TMEM74: variants seen among roughly 807,000 people sequenced by gnomAD.
The protein encoded by TMEM74 is transmembrane protein 74.
TMEM74 carries 13 observed loss-of-function variants against 18.1 expected under a neutral mutation model. The observed-to-expected ratio is 0.72, with a 90% CI of 0.47 to 1.14. TMEM74 has a LOEUF of 1.14. Ranked by LOEUF, TMEM74 falls within the 50% of genes most tolerant of loss-of-function variation. The pLI, the probability that TMEM74 is intolerant of heterozygous loss-of-function variation, is 0.00. For synonymous variants in TMEM74, 159 were observed against 146.6 expected, an observed-to-expected ratio of 1.08 and a Z score of -0.61; for missense variants, 372 against 375.9, an observed-to-expected ratio of 0.99 and a Z score of 0.09.
At chr8:108,765,932 A>AG (rs1491362753) in intron 1 of TMEM74, among the ~76,000 whole-genome samples, 1 of 55,314 alleles carries the variant, frequency 1.8e-5, no homozygotes, top group Admixed American at 1.6e-4. Flanking sequence ...TGAAAAAAAA[A>AG]GTGTGTAAGA....
chr8:108,635,972 C>A (rs1586242231), intron 2 of TMEM74, among the ~76,000 whole-genome samples: 1 of 152,108 alleles, frequency 6.6e-6, no homozygotes, highest in Middle Eastern at 3.4e-3. Context: ...AAATTTACTA[C>A]AATTTGTTTT....
At chr8:108,765,335 T>C (rs752043140) in intron 1 of TMEM74, among the ~76,000 whole-genome samples, 4 of 151,946 alleles carry the variant, frequency 2.6e-5, no homozygotes, top group Non-Finnish European at 4.4e-5. Flanking sequence ...TCCTGGACTT[T>C]AAGGGATGGT....
chr8:108,688,010 A>G (rs1271957214), intron 1 of TMEM74, among the ~76,000 whole-genome samples: 2 of 152,196 alleles, frequency 1.3e-5, no homozygotes, highest in Non-Finnish European at 2.9e-5. Context: ...TAAATATGAA[A>G]TTCTTCAAGA....
intron 2 of TMEM74, among the ~76,000 whole-genome samples, chr8:108,628,364 G>T (rs912852000): frequency 7.2e-5 from 11 of 151,998 alleles, no homozygotes; most frequent in Non-Finnish European, 1.0e-4. Context: ...TCAGTTCTCT[G>T]CAGACACCAA....
intron 2 of TMEM74, chr8:108,652,850 A>G: frequency 1.9e-6 from 1 of 531,284 alleles, no homozygotes; most frequent in Non-Finnish European, 3.7e-6. Context: ...TGTATGGTTC[A>G]GATGAAATCT....
chr8:108,622,448 A>G (rs1812453492), intron 2 of TMEM74, among the ~76,000 whole-genome samples: 1 of 152,118 alleles, frequency 6.6e-6, no homozygotes, highest in Non-Finnish European at 1.5e-5. Flanking sequence ...ACTATATGCA[A>G]TTAAAACACT....
intron 1 of TMEM74, among the ~76,000 whole-genome samples, chr8:108,732,874 C>T (rs1813709684): frequency 6.6e-6 from 1 of 151,048 alleles, no homozygotes; most frequent in African/African-American, 2.4e-5. Flanking sequence ...ATTTAATTGT[C>T]TAAAAAAAAT....
intron 1 of TMEM74, among the ~76,000 whole-genome samples, chr8:108,729,324 C>T (rs1190841542): frequency 6.6e-6 from 1 of 152,168 alleles, no homozygotes; most frequent in Non-Finnish European, 1.5e-5. Context: ...AATGATTGGT[C>T]AAGTCCCTCT....
intron 1 of TMEM74, among the ~76,000 whole-genome samples, chr8:108,657,350 G>A (rs910123052): frequency 1.3e-5 from 2 of 151,930 alleles, no homozygotes; most frequent in African/African-American, 4.8e-5. Context: ...AGAGGTAAAT[G>A]TGAATTCAGA....
At chr8:108,692,595 T>A (rs1345503554) in intron 1 of TMEM74, among the ~76,000 whole-genome samples, 1 of 152,210 alleles carries the variant, frequency 6.6e-6, no homozygotes, top group Non-Finnish European at 1.5e-5. Flanking sequence ...TCCAGTCTAA[T>A]CTACAAAATG....
intron 1 of TMEM74, among the ~76,000 whole-genome samples, chr8:108,767,571 T>C (rs376178464): frequency 1.6e-4 from 24 of 152,294 alleles, no homozygotes; most frequent in African/African-American, 5.5e-4. Flanking sequence ...AAATTCTCCA[T>C]AGAATTTTGT....
At chr8:108,679,547 T>C (rs1184715833) in intron 1 of TMEM74, among the ~76,000 whole-genome samples, 1 of 152,248 alleles carries the variant, frequency 6.6e-6, no homozygotes, top group East Asian at 1.9e-4. Context: ...AAATGTCTTC[T>C]TTTGAGAAGT....
At chr8:108,624,940 T>C (rs999117323) in intron 2 of TMEM74, among the ~76,000 whole-genome samples, 6 of 152,046 alleles carry the variant, frequency 3.9e-5, no homozygotes, top group Non-Finnish European at 1.5e-5. Flanking sequence ...ATGTATTAGC[T>C]AAATGTAGGA....
intron 1 of TMEM74, among the ~76,000 whole-genome samples, chr8:108,707,815 A>G (rs1211191928): frequency 6.6e-6 from 1 of 152,222 alleles, no homozygotes; most frequent in East Asian, 1.9e-4. Context: ...CCAAAAGCAC[A>G]GGCTGTGAAA....
intron 1 of TMEM74, among the ~76,000 whole-genome samples, chr8:108,738,409 T>TTTC (rs1813769094): frequency 6.6e-6 from 1 of 152,208 alleles, no homozygotes; most frequent in African/African-American, 2.4e-5. Context: ...TTCATCTCTC[T>TTTC]TTCTTCACGC....
chr8:108,622,059 T>A (rs966829953), intron 2 of TMEM74, among the ~76,000 whole-genome samples: 1 of 152,166 alleles, frequency 6.6e-6, no homozygotes, highest in Non-Finnish European at 1.5e-5. Context: ...GGATTTCACA[T>A]ATATCTTAAC....
chr8:108,627,309 T>C (rs144081829), intron 2 of TMEM74, among the ~76,000 whole-genome samples: 104 of 152,118 alleles, frequency 6.8e-4, no homozygotes, highest in African/African-American at 2.3e-3. Flanking sequence ...TGGGCATCTA[T>C]GCCATCTGGG....
chr8:108,753,915 T>C (rs1813929040), intron 1 of TMEM74, among the ~76,000 whole-genome samples: 1 of 152,112 alleles, frequency 6.6e-6, no homozygotes, highest in Admixed American at 6.6e-5. Context: ...CTCACTTTAT[T>C]ACTTTATAGT....
intron 2 of TMEM74, among the ~76,000 whole-genome samples, chr8:108,628,506 C>T (rs1193177177): frequency 6.6e-6 from 1 of 151,990 alleles, no homozygotes; most frequent in Non-Finnish European, 1.5e-5. Flanking sequence ...TGTATACATG[C>T]CACATTTTCT....
Sources: allele counts gnomAD v4.1 joint callset (sites outside exome capture counted in the v4.1 genomes callset), GRCh38; gene constraint gnomAD v4.1.1; transcripts MANE v1.5; gene names NCBI Gene and HGNC (gene_info 2026-07-23, HGNC 2026-07-21).